NALCN: variants seen among roughly 807,000 people sequenced by gnomAD.
NALCN encodes sodium leak channel NALCN.
Under a neutral mutation model 225.3 loss-of-function variants are expected in NALCN, and 111 were observed. The ratio of observed to expected loss-of-function variants is 0.49; its 90% CI spans 0.42 to 0.58. NALCN has a LOEUF of 0.58. NALCN is among the 20% of genes least tolerant of loss of function. NALCN has a pLI of 0.00. For missense variants in NALCN, 1,378 were observed against 2,202.4 expected, an observed-to-expected ratio of 0.63 and a Z score of 7.49; for synonymous variants, 764 against 769.0, an observed-to-expected ratio of 0.99 and a Z score of 0.11.
chr13:101,122,354 G>T (rs1479607987), intron 18 of NALCN, among the ~76,000 whole-genome samples: 13 of 152,014 alleles, frequency 8.6e-5, no homozygotes, highest in African/African-American at 2.4e-5. Context: ...AGTTTCAAAA[G>T]GTGATATAGC....
chr13:101,295,244 G>C, intron 7 of NALCN, among the ~76,000 whole-genome samples: 1 of 152,152 alleles, frequency 6.6e-6, no homozygotes, highest in East Asian at 1.9e-4. Context: ...CAATACCTTT[G>C]CTTTATGTGC....
chr13:101,349,988 C>A (rs983995137), intron 6 of NALCN, among the ~76,000 whole-genome samples: 4 of 152,158 alleles, frequency 2.6e-5, no homozygotes, highest in African/African-American at 7.2e-5. Context: ...TCTCCCTCAA[C>A]CCTCATAAGT....
chr13:101,292,065 T>C lies in NALCN; in HGVS notation c.972A>G (p.Thr324=). The C allele has an allele frequency of 6.2e-7, 1 of 1,614,078 alleles. No homozygotes were observed. The highest frequency in any genetic ancestry group is 1.7e-5 in the Admixed American group (1 of 59,950). ...KNVFIAVIIE[T]FAEIRVQFQQ... is the part of the protein sequence containing the mutation. ...GAAACTGTACTCTGATTTCTGCAAA[T>C]GTTTCAATGATAACAGCAATAAACA... is the stretch of plus-strand genomic sequence containing the variant. The change falls in exon 9 of 44, where the codon ACA becomes ACG. Residue 324 remains threonine (T), a synonymous_variant. Coordinates refer to ENST00000251127, the MANE Select transcript of NALCN (RefSeq NM_052867.4). This position sits in a 1 kb window ranked among gnomAD's most constrained non-coding sequence, Gnocchi z 4.3.
chr13:101,413,122 T>G (rs1320141913), intron 1 of NALCN, among the ~76,000 whole-genome samples: 1 of 152,292 alleles, frequency 6.6e-6, no homozygotes, highest in East Asian at 1.9e-4. Context: ...TAGATTTACC[T>G]CAAAAGCAGA....
chr13:101,059,838 C>T lies in NALCN; in HGVS notation c.4885G>A (p.Asp1629Asn), dbSNP rs2031697493. ...CATACCTCAGGTTGCATGCTGTTGT[C>T]CTGACTGTTGGCATTCGTGTCCTCA... Reference protein sequence around the residue: ...PSEDTNANSQDNSMQPETSSQ... With the variant: ...PSEDTNANSQNNSMQPETSSQ... The change falls in exon 42 of 44, where the codon GAC becomes AAC. Residue 1629 changes from aspartate to asparagine, a missense_variant. Around this residue, in one of 19 missense-constraint regions of NALCN, gnomAD observed 145 missense variants for 169.6 expected, o/e 0.85. Coordinates refer to ENST00000251127, the MANE Select transcript of NALCN (RefSeq NM_052867.4). The T allele has an allele frequency of 6.2e-7, 1 of 1,614,036 alleles. No individual in the cohort carries two copies. The highest frequency in any genetic ancestry group is 8.5e-7 in the Non-Finnish European group (1 of 1,180,002).
chr13:101,264,916 C>T (rs1245275767), intron 10 of NALCN, among the ~76,000 whole-genome samples: 1 of 152,188 alleles, frequency 6.6e-6, no homozygotes, highest in Non-Finnish European at 1.5e-5. Context: ...ATAAAGACAT[C>T]ATTACAGACT....
chr13:101,327,541 C>T (rs1295433698), intron 7 of NALCN, among the ~76,000 whole-genome samples: 1 of 152,044 alleles, frequency 6.6e-6, no homozygotes, highest in African/African-American at 2.4e-5. Flanking sequence ...TCAAAAATTC[C>T]TTAAAGTGAA....
At chr13:101,114,796 G>C (rs564409410) in intron 18 of NALCN, among the ~76,000 whole-genome samples, 5 of 152,294 alleles carry the variant, frequency 3.3e-5, no homozygotes, top group African/African-American at 1.2e-4. Flanking sequence ...TATTATCACT[G>C]CCTTAAAAAG....
chr13:101,181,581 A>AT (rs1445153993), intron 14 of NALCN, among the ~76,000 whole-genome samples: 3 of 142,938 alleles, frequency 2.1e-5, no homozygotes, highest in African/African-American at 7.5e-5. Flanking sequence ...AAAAAAAAAA[A>AT]AACAAAAATT....
chr13:101,157,564 G>T (rs1342145952), intron 15 of NALCN, among the ~76,000 whole-genome samples: 4 of 152,106 alleles, frequency 2.6e-5, no homozygotes, highest in African/African-American at 9.7e-5. Context: ...AGGAAAGTTG[G>T]ATTATAAATG....
intron 1 of NALCN, among the ~76,000 whole-genome samples, chr13:101,411,546 C>T (rs766239724): frequency 4.6e-5 from 7 of 151,992 alleles, no homozygotes; most frequent in Non-Finnish European, 1.0e-4. Context: ...GACGGGGTTT[C>T]ACCATGTTGG....
chr13:101,295,645 A>T (rs1328990178), intron 7 of NALCN, among the ~76,000 whole-genome samples: 1 of 152,124 alleles, frequency 6.6e-6, no homozygotes, highest in Non-Finnish European at 1.5e-5. Flanking sequence ...GCTCAAAGAG[A>T]AGGGTTTGTT....
At chr13:101,080,645 AAT>A (rs1415467006) in intron 34 of NALCN, among the ~76,000 whole-genome samples, 1 of 146,404 alleles carries the variant, frequency 6.8e-6, no homozygotes, top group African/African-American at 2.5e-5. Flanking sequence ...TAAATATATT[AAT>A]ATATAATATA....
At chr13:101,236,532 G>C (rs1308098399) in intron 12 of NALCN, among the ~76,000 whole-genome samples, 1 of 152,082 alleles carries the variant, frequency 6.6e-6, no homozygotes, top group African/African-American at 2.4e-5. Flanking sequence ...AACAATGATA[G>C]ACTGGATTAA....
chr13:101,312,867 T>C (rs2044400748), intron 7 of NALCN, among the ~76,000 whole-genome samples: 1 of 152,130 alleles, frequency 6.6e-6, no homozygotes. Context: ...AGAGCCCGCA[T>C]CACCAAGTCA....
At chr13:101,320,100 T>C (rs2044693021) in intron 7 of NALCN, among the ~76,000 whole-genome samples, 2 of 152,230 alleles carry the variant, frequency 1.3e-5, no homozygotes, top group African/African-American at 4.8e-5. Flanking sequence ...CCATCTTTCC[T>C]GCCTATTAGC....
intron 9 of NALCN, among the ~76,000 whole-genome samples, 197 bp downstream of exon 9, chr13:101,291,793 C>T (rs1185296064): frequency 6.6e-6 from 1 of 152,032 alleles, no homozygotes; most frequent in East Asian, 1.9e-4. Flanking sequence ...CAAGCAATCC[C>T]TCTCCCTCAG....
In NALCN at chr13:101,079,559, G is replaced by A. The variant is rs187668805; in HGVS notation, c.3885+1968C>T. On this transcript the variant is annotated intron_variant, in intron 34 of 43. Transcript: ENST00000251127. ...GAAGCCATCTCCCACTATTATCTAT[G>A]TTGTCACAGGAACACAGGCTCTCCT... Among the ~76,000 whole-genome samples the A allele has an allele frequency of 7.9e-5, 12 of 152,286 alleles. No individual in the cohort carries two copies. In the East Asian group the frequency reaches 2.3e-3, roughly 29 times the overall value.
intron 10 of NALCN, among the ~76,000 whole-genome samples, chr13:101,272,236 T>A (rs1283739638): frequency 1.3e-5 from 2 of 152,126 alleles, no homozygotes; most frequent in African/African-American, 4.8e-5. Context: ...TGAGCCTGTA[T>A]GAGTGTGTAT....
Sources: gnomAD v4.1 joint callset for allele counts (sites outside exome capture counted in the v4.1 genomes callset) on GRCh38, gnomAD v4.1.1 for gene constraint, gnomAD v4.1.1 regional missense constraint, Gnocchi (gnomAD v3.1) non-coding constraint, MANE v1.5 for transcripts, NCBI Gene and HGNC (gene_info 2026-07-23, HGNC 2026-07-21) for gene names.